Variants in MTRR observed in about 807,000 individuals in gnomAD.
The protein encoded by MTRR is methionine synthase reductase.
MTRR carries 63 observed loss-of-function variants against 79.2 expected under a neutral mutation model. That is an observed-to-expected ratio of 0.80 (90% confidence interval 0.65 to 0.98). The LOEUF (loss-of-function observed/expected upper bound fraction) is 0.98, where lower values mean the gene tolerates loss of function less well. Among genes scored for constraint, MTRR ranks in the 50% least tolerant of loss-of-function variants. MTRR has a pLI of 0.00. For missense variants in MTRR, 895 were observed against 839.6 expected (o/e 1.07, Z -0.82); for synonymous variants, 355 against 313.3 (o/e 1.13, Z -1.41).
chr5:7,883,073 C>T, intron 5 of MTRR, 82 bp from the exon 6 acceptor site: 1 of 1,589,892 alleles, frequency 6.3e-7, no homozygotes, highest in South Asian at 1.1e-5. Context: ...TTGTAAGCCC[C>T]TGTGGATCTT....
At chr5:7,853,326 T>C (rs1218961926) in intron 1 of MTRR, among the ~76,000 whole-genome samples, 1 of 152,218 alleles carries the variant, frequency 6.6e-6, no homozygotes, top group East Asian at 1.9e-4. Context: ...CCCTTTGCTT[T>C]CTGCCGTGAT....
At position 7,897,086 on chromosome 5, in the gene MTRR, T is replaced by C. The variant is rs767659059; in HGVS notation, c.1791T>C (p.Leu597=). The change falls in exon 14 of 15, where the codon CTT becomes CTC. Residue 597 remains leucine (L), a synonymous_variant. Transcript: ENST00000440940. ...YLFRKELRHF[L]KHGILTHLKV... ...TCAGAAAAGAGCTCAGACATTTCCT[T>C]AAGCATGGGATCTTAACTCATCTAA... is the stretch of plus-strand genomic sequence containing the variant. 8 of 1,614,192 alleles carry C rather than the reference T, an allele frequency of 5.0e-6. No individual in the cohort carries two copies. Among genetic ancestry groups the C allele is most frequent in the Non-Finnish European group, 6.8e-6 (8 of 1,180,032 alleles).
chr5:7,888,778 A>G (rs1366772093), intron 8 of MTRR, among the ~76,000 whole-genome samples: 1 of 152,226 alleles, frequency 6.6e-6, no homozygotes, highest in Non-Finnish European at 1.5e-5. Flanking sequence ...TCTGCCTGTA[A>G]TTAATAACTT....
chr5:7,890,822 A>G (rs994199559), intron 9 of MTRR, among the ~76,000 whole-genome samples: 5 of 152,232 alleles, frequency 3.3e-5, no homozygotes, highest in African/African-American at 1.2e-4. Flanking sequence ...ATACCTACGT[A>G]TTTTGAAATC....
intron 5 of MTRR, 144 bp downstream of exon 5, chr5:7,878,466 T>C (rs1734959126): frequency 4.7e-6 from 5 of 1,068,846 alleles, no homozygotes; most frequent in South Asian, 1.4e-5. Flanking sequence ...CTTTTGTAAA[T>C]AGATTTTACT....
In MTRR at chr5:7,877,162, G is replaced by T. The variant is rs572047596; in HGVS notation, c.402-782G>T. On this transcript the variant is annotated intron_variant, in intron 4 of 14. Coordinates refer to ENST00000440940, the MANE Select transcript of MTRR (RefSeq NM_002454.3). ...TTTAATTGATCCTCCTTTGAGCTGT[G>T]ATTAAAAGTGGTGTTATTTCCACAG... is the stretch of plus-strand genomic sequence containing the variant. Among the ~76,000 whole-genome samples, 472 of 152,218 alleles carry T rather than the reference G, an allele frequency of 3.1e-3. 4 individuals are homozygous for T. Among genetic ancestry groups the T allele is most frequent in the African/African-American group, 0.011 (454 of 41,530 alleles).
intron 11 of MTRR, 58 bp from the exon 12 acceptor site, chr5:7,895,676 T>C: frequency 6.3e-7 from 1 of 1,597,652 alleles, no homozygotes; most frequent in Non-Finnish European, 8.6e-7. Flanking sequence ...ATCATCTTGA[T>C]TATATACTCT....
At chr5:7,876,866 G>A (rs901229964) in intron 4 of MTRR, among the ~76,000 whole-genome samples, 5 of 152,200 alleles carry the variant, frequency 3.3e-5, no homozygotes, top group Admixed American at 6.5e-5. Flanking sequence ...CTCAGTGAAC[G>A]TTAGTTCTCC....
chr5:7,890,847 A>G (rs1005471446), intron 9 of MTRR, among the ~76,000 whole-genome samples: 1 of 152,154 alleles, frequency 6.6e-6, no homozygotes, highest in Non-Finnish European at 1.5e-5. Context: ...ATTTTTTTTG[A>G]TAAATTTTTA....
At chr5:7,861,600 A>G in intron 1 of MTRR, 1 of 1,599,264 alleles carries the variant, frequency 6.3e-7, no homozygotes, top group Non-Finnish European at 8.5e-7. Context: ...GGATATCTTC[A>G]TTAGCTGTGG....
At chr5:7,870,587 C>T (rs1747789230) in intron 1 of MTRR, among the ~76,000 whole-genome samples, 183 bp from the exon 2 acceptor site, 1 of 152,196 alleles carries the variant, frequency 6.6e-6, no homozygotes, top group Admixed American at 6.5e-5. Flanking sequence ...GTACACTCTC[C>T]TTAATTTGAT....
intron 4 of MTRR, among the ~76,000 whole-genome samples, chr5:7,877,225 T>G (rs1734709650): frequency 6.6e-6 from 1 of 152,198 alleles, no homozygotes; most frequent in African/African-American, 2.4e-5. Context: ...TACTTAAACT[T>G]CTCTGTTCAG....
At chr5:7,889,410 A>G (rs1737179637) in intron 9 of MTRR, 135 bp downstream of exon 9, 2 of 904,364 alleles carry the variant, frequency 2.2e-6, no homozygotes, top group Non-Finnish European at 1.7e-6. Flanking sequence ...ATCTAAATGA[A>G]TGGTGGTGAT....
chr5:7,896,911 G>C lies in MTRR; in HGVS notation c.1724G>C (p.Trp575Ser), dbSNP rs1738618105. 6.2e-7 allele frequency: 1 copy of C among 1,613,980 alleles called. No individual in the cohort carries two copies. Among genetic ancestry groups the C allele is most frequent in the African/African-American group, 1.3e-5 (1 of 74,980 alleles). ...QHPDGNFGAM[W>S]LFFGCRHKDR... ...CCAGATGGAAATTTTGGAGCAATGT[G>C]GTTGTTTTTTGGCTGCAGGCATAAG... The change falls in exon 13 of 15, where the codon TGG becomes TCG. Residue 575 changes from tryptophan to serine, a missense_variant. Trp to Ser is a radical substitution (Grantham distance 177). Coordinates refer to ENST00000440940, the MANE Select transcript of MTRR (RefSeq NM_002454.3).
At chr5:7,867,637 C>T (rs1747093209), upstream of MTRR, 4 of 1,614,250 alleles carry the variant, frequency 2.5e-6, no homozygotes, top group Non-Finnish European at 3.4e-6. Flanking sequence ...TTTCTTTTGG[C>T]AGCCCTTGAT....
chr5:7,895,021 T>C (rs556852401), intron 11 of MTRR, among the ~76,000 whole-genome samples: 2 of 152,280 alleles, frequency 1.3e-5, no homozygotes, highest in African/African-American at 4.8e-5. Context: ...CCTACAGTCG[T>C]CCTTGAGTTA....
intron 5 of MTRR, among the ~76,000 whole-genome samples, chr5:7,881,439 G>C (rs985919081): frequency 6.6e-6 from 1 of 152,056 alleles, no homozygotes; most frequent in Non-Finnish European, 1.5e-5. Context: ...GATGCGAGAA[G>C]GGAGTTCTTA....
intron 1 of MTRR, chr5:7,859,419 G>A: frequency 6.6e-7 from 1 of 1,508,608 alleles, no homozygotes; most frequent in Non-Finnish European, 9.1e-7. Context: ...CATTGTTTGA[G>A]TTCTGAAGTC....
At position 7,853,767 on chromosome 5, in the gene MTRR, G is replaced by C. The variant is rs145308654; in HGVS notation, n.391+2182G>C. On this transcript the variant is annotated intron_variant and non_coding_transcript_variant, in intron 1 of 3. Transcript: ENST00000502509. ...CTCGCTCCTTCAGTTGTTGACTCCT[G>C]AACTTGTACGACCACTGCCCCAGGG... Among the ~76,000 whole-genome samples the C allele has an allele frequency of 4.7e-3, 714 of 152,316 alleles. 3 individuals carry two copies. Among genetic ancestry groups the C allele is most frequent in the African/African-American group, 8.9e-3 (372 of 41,568 alleles).
Sources: gnomAD v4.1 joint callset for allele counts (sites outside exome capture counted in the v4.1 genomes callset) on GRCh38, gnomAD v4.1.1 for gene constraint, MANE v1.5 for transcripts, NCBI Gene and HGNC (gene_info 2026-07-23, HGNC 2026-07-21) for gene names.